Variants in AP1S3 observed in about 807,000 individuals in gnomAD.
The protein encoded by AP1S3 is adaptor related protein complex 1 subunit sigma 3, also known as AP-1 complex subunit sigma-3.
A neutral mutation model predicts 20.9 loss-of-function variants in AP1S3; 10 were observed. The ratio of observed to expected loss-of-function variants is 0.48; its 90% CI spans 0.29 to 0.81. The LOEUF (loss-of-function observed/expected upper bound fraction) is 0.81, where lower values mean the gene tolerates loss of function less well. Among genes scored for constraint, AP1S3 ranks in the 30% least tolerant of loss-of-function variants. AP1S3 has a pLI of 0.08. For missense variants in AP1S3, 154 were observed against 183.8 expected (o/e 0.84, Z 0.94); for synonymous variants, 41 against 61.5 (o/e 0.67, Z 1.56).
chr2:223,803,751 G>T (rs747828348), intron 1 of AP1S3, among the ~76,000 whole-genome samples: 53 of 152,014 alleles, frequency 3.5e-4, no homozygotes, highest in Non-Finnish European at 6.5e-4. Flanking sequence ...GTGGTGGCGG[G>T]AGCCTGTGGT....
chr2:223,818,332 G>A (rs894292615), intron 1 of AP1S3, among the ~76,000 whole-genome samples: 3 of 151,538 alleles, frequency 2.0e-5, no homozygotes, highest in East Asian at 2.0e-4. Flanking sequence ...CAGGAGAATC[G>A]CTTGAGTCCA....
At chr2:223,769,588 C>CT (rs1284623481) in intron 3 of AP1S3, among the ~76,000 whole-genome samples, 18 of 137,348 alleles carry the variant, frequency 1.3e-4, no homozygotes, top group African/African-American at 5.1e-4. Flanking sequence ...ATACTGTCTC[C>CT]TTTCCCTGCT....
chr2:223,767,332 T>C (rs902218919), intron 3 of AP1S3, among the ~76,000 whole-genome samples: 1 of 152,198 alleles, frequency 6.6e-6, no homozygotes, highest in Admixed American at 6.5e-5. Flanking sequence ...TACCACTTAA[T>C]GCCTGTTTTT....
chr2:223,788,235 C>A (rs1284496513), intron 1 of AP1S3, among the ~76,000 whole-genome samples: 2 of 151,888 alleles, frequency 1.3e-5, no homozygotes, highest in Admixed American at 1.3e-4. Context: ...GCATGAGCCA[C>A]TGCGCCAGGC....
At chr2:223,799,004 G>A (rs538171793) in intron 1 of AP1S3, among the ~76,000 whole-genome samples, 6 of 152,262 alleles carry the variant, frequency 3.9e-5, no homozygotes, top group African/African-American at 9.6e-5. Flanking sequence ...CCCAGGAGGC[G>A]GAGGTTGCAT....
chr2:223,812,247 A>G (rs1030334547), intron 1 of AP1S3, among the ~76,000 whole-genome samples: 2 of 152,132 alleles, frequency 1.3e-5, no homozygotes, highest in African/African-American at 4.8e-5. Flanking sequence ...TTTGAGATGG[A>G]GTCTTACTCC....
In AP1S3 at chr2:223,837,529, C is replaced by T. The variant is rs1023060271; in HGVS notation, c.-79G>A. On this transcript the variant is annotated 5_prime_UTR_variant, in exon 1 of 5. Transcript: ENST00000396654. ...GAGGGCGAGAGGCGAGCGCTGGAGC[C>T]GGTGCGGCTGACAGGTGAGGCGCCC... is the stretch of plus-strand genomic sequence containing the variant. 29 of 1,037,224 alleles carry T rather than the reference C, an allele frequency of 2.8e-5. No individual in the cohort carries two copies. In the East Asian group the frequency reaches 8.7e-4, roughly 31 times the overall value. The allele number at this position is 1,037,224 out of a possible 1,614,324, so 64.3% of individuals were successfully genotyped here.
rs371056615 is a variant in AP1S3 at position 223,776,027 on chromosome 2, C to T, written c.183-18G>A. The T allele has an allele frequency of 8.8e-6, 14 of 1,598,412 alleles. No homozygotes were observed. Among genetic ancestry groups the T allele is most frequent in the African/African-American group, 1.3e-5 (1 of 74,504 alleles). On this transcript the variant is annotated intron_variant, in intron 2 of 4. Coordinates refer to ENST00000396654, the MANE Select transcript of AP1S3 (RefSeq NM_001039569.2). ...TAGCATACCTTGAAATGAAAAATAA[C>T]AAAAGCAAAATATGACAATACATTA... is the stretch of plus-strand genomic sequence containing the variant.
intron 1 of AP1S3, among the ~76,000 whole-genome samples, chr2:223,794,037 C>A (rs185748677): frequency 6.6e-5 from 10 of 152,318 alleles, no homozygotes; most frequent in Admixed American, 2.0e-4. Flanking sequence ...CCTCAGCTAT[C>A]ACCTTTGGAT....
chr2:223,837,228 G>T (rs1029918970), intron 1 of AP1S3, among the ~76,000 whole-genome samples: 1 of 151,044 alleles, frequency 6.6e-6, no homozygotes, highest in African/African-American at 2.4e-5. Context: ...GAGCCGCGGC[G>T]CCGCGGCGCC....
intron 1 of AP1S3, among the ~76,000 whole-genome samples, chr2:223,812,752 C>T (rs764340301): frequency 1.3e-5 from 2 of 152,180 alleles, no homozygotes; most frequent in Middle Eastern, 3.4e-3. Context: ...CCTGAAAAAC[C>T]ACTGCCTTTG....
intron 1 of AP1S3, among the ~76,000 whole-genome samples, chr2:223,821,154 TTATCTATC>T (rs751141599): frequency 6.6e-6 from 1 of 152,186 alleles, no homozygotes; most frequent in African/African-American, 2.4e-5. Context: ...ATCTATCTAT[TTATCTATC>T]TATCTATCTA....
At chr2:223,776,079 G>A (rs746536010) in intron 2 of AP1S3, 70 bp from the exon 3 acceptor site, 38 of 1,179,012 alleles carry the variant, frequency 3.2e-5, no homozygotes, top group Non-Finnish European at 4.2e-5. Flanking sequence ...TTTTTCCCAC[G>A]AATATGCAGT....
chr2:223,808,826 C>T (rs536807806), intron 1 of AP1S3, among the ~76,000 whole-genome samples: 4 of 151,974 alleles, frequency 2.6e-5, no homozygotes, highest in South Asian at 2.1e-4. Flanking sequence ...GGCAACATGG[C>T]GAAACCCCAT....
intron 1 of AP1S3, among the ~76,000 whole-genome samples, chr2:223,797,379 G>T (rs1187242045): frequency 6.6e-6 from 1 of 152,186 alleles, no homozygotes; most frequent in Non-Finnish European, 1.5e-5. Context: ...AATCACTGTT[G>T]CTAAGTCTTC....
intron 1 of AP1S3, among the ~76,000 whole-genome samples, chr2:223,806,370 G>A (rs1006909465): frequency 1.0e-4 from 14 of 140,044 alleles, no homozygotes; most frequent in Non-Finnish European, 1.9e-4. Context: ...TGCAAGCTCC[G>A]CCTCCCGGGT....
At chr2:223,837,046 C>G (rs1263919723) in intron 1 of AP1S3, among the ~76,000 whole-genome samples, 1 of 152,114 alleles carries the variant, frequency 6.6e-6, no homozygotes, top group Non-Finnish European at 1.5e-5. Context: ...TTTAGAAGTT[C>G]TCTTCATTTT....
intron 3 of AP1S3, among the ~76,000 whole-genome samples, chr2:223,766,465 A>T (rs2106080246): frequency 6.6e-6 from 1 of 152,296 alleles, no homozygotes; most frequent in South Asian, 2.1e-4. Context: ...AGCTTTTGTC[A>T]CTAGTCATTA....
At position 223,795,451 on chromosome 2, in the gene AP1S3, A is replaced by G. The variant is rs529700922; in HGVS notation, c.4-17582T>C. Among the ~76,000 whole-genome samples the G allele has an allele frequency of 2.0e-5, 3 of 152,304 alleles. No individual in the cohort carries two copies. In the East Asian group the frequency reaches 5.8e-4, roughly 29 times the overall value. ...AGTCTTCTAATTTAGCGACCCTTTG[A>G]AACAAATGTTACATTCCACAAATTT... is the stretch of plus-strand genomic sequence containing the variant. On this transcript the variant is annotated intron_variant, in intron 1 of 4. Coordinates refer to ENST00000396654, the MANE Select transcript of AP1S3 (RefSeq NM_001039569.2).
Sources: allele counts gnomAD v4.1 joint callset (sites outside exome capture counted in the v4.1 genomes callset), GRCh38; gene constraint gnomAD v4.1.1; transcripts MANE v1.5; gene names NCBI Gene and HGNC (gene_info 2026-07-23, HGNC 2026-07-21).